ARID5B: variants seen among roughly 807,000 people sequenced by gnomAD.
The protein encoded by ARID5B is AT-rich interaction domain 5B.
A neutral mutation model predicts 97.2 loss-of-function variants in ARID5B; 13 were observed. That is an observed-to-expected ratio of 0.13 (90% CI 0.09 to 0.21). The LOEUF (loss-of-function observed/expected upper bound fraction) is 0.21. Among genes scored for constraint, ARID5B ranks in the 10% least tolerant of loss-of-function variants. ARID5B has a pLI of 1.00. For synonymous variants in ARID5B, 556 were observed against 570.3 expected, an observed-to-expected ratio of 0.97 and a Z score of 0.36; for missense variants, 1,210 against 1,465.3, an observed-to-expected ratio of 0.83 and a Z score of 2.84.
intron 4 of ARID5B, among the ~76,000 whole-genome samples, chr10:62,016,806 C>T (rs1022960944): frequency 6.6e-6 from 1 of 152,132 alleles, no homozygotes; most frequent in Non-Finnish European, 1.5e-5. Flanking sequence ...TGTTTCAGTA[C>T]AGTGGGTTGT....
intron 2 of ARID5B, among the ~76,000 whole-genome samples, chr10:61,920,638 A>T (rs1843998313): frequency 6.6e-6 from 1 of 152,200 alleles, no homozygotes; most frequent in Non-Finnish European, 1.5e-5. Flanking sequence ...AAAAAAAAGG[A>T]AGATGGGGCT....
In ARID5B at chr10:62,095,949, GA is replaced by G; in HGVS notation, c.*2920del. ...GCAATTCAAAATGCACTAAGTCTGTGATTTATTGGAGATTTGGAGATTCTAA... is the reference window on the plus strand; with the variant it reads ...GCAATTCAAAATGCACTAAGTCTGTGTTTATTGGAGATTTGGAGATTCTAA... On this transcript the variant is annotated 3_prime_UTR_variant, in exon 10 of 10. Coordinates refer to ENST00000279873, the MANE Select transcript of ARID5B (RefSeq NM_032199.3). The G allele has an allele frequency of 4.3e-6, 1 of 231,734 alleles. No individual in the cohort carries two copies. Among genetic ancestry groups the G allele is most frequent in the Non-Finnish European group, 8.5e-6 (1 of 117,062 alleles). 14.4% of individuals were successfully genotyped at this position (231,734 alleles called of 1,614,324 possible).
chr10:61,911,603 T>C (rs1230499741), intron 2 of ARID5B, among the ~76,000 whole-genome samples: 3 of 152,080 alleles, frequency 2.0e-5, no homozygotes, highest in African/African-American at 7.2e-5. Flanking sequence ...AGTCCTGGAG[T>C]AGTCATTCTC....
chr10:62,057,081 T>C, intron 5 of ARID5B, 36 bp from the exon 6 acceptor site: 1 of 1,605,130 alleles, frequency 6.2e-7, no homozygotes, highest in Non-Finnish European at 8.5e-7. Context: ...CCTGGGGCTG[T>C]GCCTCGTCTG....
intron 3 of ARID5B, among the ~76,000 whole-genome samples, chr10:61,944,515 G>GA (rs573172858): frequency 2.7e-5 from 4 of 150,532 alleles, no homozygotes; most frequent in Admixed American, 6.6e-5. Context: ...GCTATAGTTT[G>GA]AAAAAAAAAT....
intron 8 of ARID5B, among the ~76,000 whole-genome samples, chr10:62,071,022 A>C (rs560693134): frequency 7.0e-6 from 1 of 142,038 alleles, no homozygotes; most frequent in Admixed American, 7.4e-5. Flanking sequence ...TCAAGGCTTC[A>C]TTCAGAACTT....
rs143185576 is a variant in ARID5B at position 62,050,992 on chromosome 10, G to C, written c.838G>C (p.Val280Leu). ...CAACAACAATTCCGATGGCAAAGCC[G>C]TTGCCAAGGTACGGTCATTCACTCC... is the stretch of plus-strand genomic sequence containing the variant. ...DSNNNSDGKA[V>L]AKVKCEARSA... is the part of the protein sequence containing the mutation. Residue 280 changes from valine to leucine, a missense_variant, in exon 5 of 10, where the codon GTT becomes CTT. Coordinates refer to ENST00000279873, the MANE Select transcript of ARID5B (RefSeq NM_032199.3). 6.2e-7 allele frequency: 1 copy of C among 1,612,688 alleles called. No individual in the cohort carries two copies. Among genetic ancestry groups the C allele is most frequent in the Non-Finnish European group, 8.5e-7 (1 of 1,178,670 alleles).
At position 61,965,426 on chromosome 10, in the gene ARID5B, A is replaced by G. The variant is rs1838530874; in HGVS notation, c.502+25018A>G. Among the ~76,000 whole-genome samples the G allele has an allele frequency of 2.0e-5, 3 of 152,196 alleles. 1 individual carries two copies. In the South Asian group the frequency reaches 6.2e-4, roughly 31 times the overall value. On this transcript the variant is annotated intron_variant, in intron 3 of 9. Transcript: ENST00000279873. ...TTAAACATCCCATTCATGAACCCAC[A>G]GAGTAAGATATAATAATATACCTTT...
intron 2 of ARID5B, among the ~76,000 whole-genome samples, chr10:61,916,623 T>C (rs1253734502): frequency 6.6e-6 from 1 of 152,178 alleles, no homozygotes; most frequent in East Asian, 1.9e-4. Context: ...CCAAATTCAC[T>C]CACCTGGTGA....
At chr10:61,970,614 G>T (rs963429300) in intron 3 of ARID5B, among the ~76,000 whole-genome samples, 5 of 152,204 alleles carry the variant, frequency 3.3e-5, no homozygotes, top group Admixed American at 6.5e-5. Flanking sequence ...GCTGGCAAGA[G>T]CGCCGAGGAG....
At chr10:61,940,923 CTATATATATATATATATATATATATATA>C (rs1281824107) in intron 3 of ARID5B, among the ~76,000 whole-genome samples, 5 of 11,442 alleles carry the variant, frequency 4.4e-4, no homozygotes, top group Admixed American at 2.0e-3. Context: ...GTACCATCAA[CTATATATATATATATATATATATATATA>C]TATATATATA....
rs191606705 is a variant in ARID5B at position 61,940,282 on chromosome 10, G to T, written c.376G>T (p.Ala126Ser). The change falls in exon 3 of 10, where the codon GCT becomes TCT. Residue 126 changes from alanine to serine, a missense_variant. By Grantham distance (99) the Ala-to-Ser change is moderately conservative. Coordinates refer to ENST00000279873, the MANE Select transcript of ARID5B (RefSeq NM_032199.3). ...DFSKWRCGFH[A>S]GPVKTEALGR... ...CTCCAAGTGGAGATGTGGCTTCCACGCTGGACCAGTGAAAACTGAGGCCTT... is the reference window on the plus strand; with the variant it reads ...CTCCAAGTGGAGATGTGGCTTCCACTCTGGACCAGTGAAAACTGAGGCCTT... The T allele has an allele frequency of 1.8e-5, 29 of 1,614,192 alleles. No individual in the cohort carries two copies. Among genetic ancestry groups the T allele is most frequent in the Non-Finnish European group, 2.4e-5 (28 of 1,180,020 alleles).
chr10:62,053,007 G>A (rs750002032), intron 5 of ARID5B, among the ~76,000 whole-genome samples: 5 of 152,202 alleles, frequency 3.3e-5, no homozygotes, highest in South Asian at 2.1e-4. Flanking sequence ...GAAGTGTGAC[G>A]AGCTTGTCTG....
chr10:62,039,849 T>C (rs968460871), intron 4 of ARID5B, among the ~76,000 whole-genome samples: 2 of 152,274 alleles, frequency 1.3e-5, no homozygotes, highest in Non-Finnish European at 2.9e-5. Context: ...TGAAGCAGGT[T>C]GGCAAAGCCA....
intron 3 of ARID5B, among the ~76,000 whole-genome samples, chr10:61,962,047 C>A (rs1446126182): frequency 6.6e-6 from 1 of 152,224 alleles, no homozygotes; most frequent in Non-Finnish European, 1.5e-5. Flanking sequence ...TCGCACCCGG[C>A]CTTCTCGGCA....
In ARID5B at chr10:62,096,311, T is replaced by C. The variant is rs140702604; in HGVS notation, c.*3281T>C. The stretch of plus-strand genomic sequence containing the variant: ...GAGGTGGTCCCACAAAAATATTTTA[T>C]GTAGTGTGCCTTCAAAGAGAACCAT... On this transcript the variant is annotated 3_prime_UTR_variant, in exon 10 of 10. Coordinates refer to ENST00000279873, the MANE Select transcript of ARID5B (RefSeq NM_032199.3). 3,950 of 233,708 alleles carry C rather than the reference T, an allele frequency of 0.017. 45 individuals carry two copies. The highest frequency in any genetic ancestry group is 0.023 in the Non-Finnish European group (2,758 of 118,044). The allele number at this position is 233,708 out of a possible 1,614,324, so 14.5% of individuals were successfully genotyped here.
In ARID5B at chr10:61,940,965, ATTTTTTTTTTTTTTTTTTTTTTT is replaced by A. The variant is rs869209154; in HGVS notation, c.502+571_502+593del. On this transcript the variant is annotated intron_variant, in intron 3 of 9. Transcript: ENST00000279873. The stretch of plus-strand genomic sequence containing the variant: ...TATATATATATATATATATATATAT[ATTTTTTTTTTTTTTTTTTTTTTT>A]TTTTTTTTTTTTTGCTTCCCTCTTC... 1.2e-3 allele frequency among the ~76,000 whole-genome samples: 8 copies of A among 6,606 alleles called. No individual in the cohort carries two copies. The Admixed American group carries it at 0.032, about 26-fold the overall frequency. The allele number at this position is 6,606 out of a possible 152,430, so 4.3% of individuals were successfully genotyped here.
chr10:61,927,119 T>A (rs1844121410), intron 2 of ARID5B, among the ~76,000 whole-genome samples: 1 of 152,156 alleles, frequency 6.6e-6, no homozygotes, highest in Non-Finnish European at 1.5e-5. Context: ...ACATGCACAG[T>A]TACCCACAAG....
At chr10:61,958,939 T>G (rs77895674) in intron 3 of ARID5B, among the ~76,000 whole-genome samples, 5,307 of 152,342 alleles carry the variant, frequency 0.035, 293 homozygotes, top group African/African-American at 0.12. Context: ...TTTTGATTTA[T>G]TCAGTTTCAT....
Sources: gnomAD v4.1 joint callset for allele counts (sites outside exome capture counted in the v4.1 genomes callset) on GRCh38, gnomAD v4.1.1 for gene constraint, MANE v1.5 for transcripts, NCBI Gene and HGNC (gene_info 2026-07-23, HGNC 2026-07-21) for gene names.